The following SLC25A26 variants were observed in gnomAD, a reference collection of about 807,000 sequenced individuals.
SLC25A26 encodes the protein mitochondrial S-adenosylmethionine carrier protein.
Under a neutral mutation model 37.8 loss-of-function variants are expected in SLC25A26, and 36 were observed. That is an observed-to-expected ratio of 0.95 (90% CI 0.73 to 1.26). The LOEUF is 1.26. SLC25A26 is among the 50% of genes most tolerant of loss of function. The pLI, the probability that SLC25A26 is intolerant of heterozygous loss-of-function variation, is 0.00. For missense variants in SLC25A26, 390 were observed against 331.1 expected (o/e 1.18, Z -1.38); for synonymous variants, 129 against 122.5 (o/e 1.05, Z -0.35).
At chr3:66,275,872 G>T (rs1032519858) in intron 5 of SLC25A26, among the ~76,000 whole-genome samples, 2 of 152,106 alleles carry the variant, frequency 1.3e-5, no homozygotes, top group Admixed American at 1.3e-4. Context: ...TTCATTAGGT[G>T]TGTGCGAATT....
Position 66,142,477 on chromosome 3 carries a change from G to C in SLC25A26, c.-354+8493G>C, listed in dbSNP as rs1297717086. On this transcript the variant is annotated intron_variant, in intron 1 of 10. Coordinates refer to the SLC25A26 transcript ENST00000676754. ...TTTTTTTATCTTCTCCTGAAGTAGG[G>C]CATAAGGCCCTCATTCCAGAGATGG... Among the ~76,000 whole-genome samples the C allele has an allele frequency of 4.6e-5, 7 of 152,238 alleles. No individual in the cohort carries two copies. In the East Asian group the frequency reaches 1.4e-3, roughly 29 times the overall value.
At position 66,161,427 on chromosome 3, in the gene SLC25A26, A is replaced by T. The variant is rs555481795; in HGVS notation, c.-354+27443A>T. On this transcript the variant is annotated intron_variant, in intron 1 of 10. Transcript: ENST00000676754. Reference sequence around the variant, plus strand: ...AATCTTGACCCTGAGTCCCCTGGGAAATGTGATCCAGAAATGGTGAGCCAC... The same window carrying T: ...AATCTTGACCCTGAGTCCCCTGGGATATGTGATCCAGAAATGGTGAGCCAC... Among the ~76,000 whole-genome samples the T allele has an allele frequency of 2.1e-4, 32 of 152,326 alleles. No individual in the cohort carries two copies. In the South Asian group the frequency reaches 4.1e-3, roughly 20 times the overall value.
intron 1 of SLC25A26, among the ~76,000 whole-genome samples, chr3:66,223,647 T>C (rs919237785): frequency 6.6e-6 from 1 of 152,314 alleles, no homozygotes; most frequent in African/African-American, 2.4e-5. Context: ...GCCTAGATGA[T>C]TGCTGAAGTC....
intron 1 of SLC25A26, among the ~76,000 whole-genome samples, chr3:66,156,898 A>G (rs1182026273): frequency 6.6e-6 from 1 of 152,138 alleles, no homozygotes; most frequent in Non-Finnish European, 1.5e-5. Context: ...TTCCATGGAA[A>G]GGATGCAACT....
At chr3:66,327,610 A>G (rs2075869836) in intron 5 of SLC25A26, among the ~76,000 whole-genome samples, 1 of 151,604 alleles carries the variant, frequency 6.6e-6, no homozygotes, top group South Asian at 2.1e-4. Flanking sequence ...GAAAGGATTA[A>G]TCCAAAAAGG....
At chr3:66,367,680 A>C (rs1187913263) in intron 7 of SLC25A26, among the ~76,000 whole-genome samples, 1 of 125,628 alleles carries the variant, frequency 8.0e-6, no homozygotes, top group Non-Finnish European at 1.7e-5. Flanking sequence ...AGATAGATAG[A>C]TAGACAGACA....
chr3:66,294,278 T>C (rs1415761249), intron 5 of SLC25A26, among the ~76,000 whole-genome samples: 2 of 152,152 alleles, frequency 1.3e-5, no homozygotes, highest in Non-Finnish European at 2.9e-5. Flanking sequence ...TTTGTTCTTT[T>C]TGTGGCAGTT....
At chr3:66,322,914 TC>T (rs2107648775) in intron 5 of SLC25A26, among the ~76,000 whole-genome samples, 1 of 150,860 alleles carries the variant, frequency 6.6e-6, no homozygotes, top group African/African-American at 2.4e-5. Context: ...GGAGCAAATT[TC>T]CCCCAATCTG....
chr3:66,136,008 T>C (rs2069941277), intron 1 of SLC25A26, among the ~76,000 whole-genome samples: 1 of 152,238 alleles, frequency 6.6e-6, no homozygotes, highest in African/African-American at 2.4e-5. Context: ...GAAAAGTGTT[T>C]TACTATAGAT....
chr3:66,336,021 A>G (rs1559712652), intron 5 of SLC25A26, among the ~76,000 whole-genome samples: 2 of 152,156 alleles, frequency 1.3e-5, no homozygotes. Context: ...AATGTTTTTC[A>G]TGATTCTTTT....
At chr3:66,333,286 C>T (rs1464375142) in intron 5 of SLC25A26, among the ~76,000 whole-genome samples, 1 of 152,152 alleles carries the variant, frequency 6.6e-6, no homozygotes, top group African/African-American at 2.4e-5. Context: ...TACTGCTGTT[C>T]ATCTTATTAG....
intron 2 of SLC25A26, among the ~76,000 whole-genome samples, chr3:66,242,989 A>G (rs1250111994): frequency 1.3e-5 from 2 of 152,162 alleles, no homozygotes; most frequent in East Asian, 1.9e-4. Flanking sequence ...TAGGTGTTAT[A>G]TTTTCTGCAT....
intron 1 of SLC25A26, among the ~76,000 whole-genome samples, chr3:66,186,381 A>C (rs2070827972): frequency 1.3e-5 from 2 of 151,702 alleles, no homozygotes; most frequent in South Asian, 4.2e-4. Context: ...ATTGACCTTA[A>C]ATGAAATCTG....
At chr3:66,292,245 C>T (rs2074737973) in intron 5 of SLC25A26, among the ~76,000 whole-genome samples, 1 of 152,146 alleles carries the variant, frequency 6.6e-6, no homozygotes, top group Non-Finnish European at 1.5e-5. Flanking sequence ...GGTCTTCACT[C>T]TTTATCCAGT....
chr3:66,227,659 C>T (rs192508553), intron 1 of SLC25A26, among the ~76,000 whole-genome samples: 14 of 152,148 alleles, frequency 9.2e-5, no homozygotes, highest in East Asian at 5.8e-4. Flanking sequence ...AAGTGAGGAC[C>T]GCTTGTAGTT....
intron 1 of SLC25A26, among the ~76,000 whole-genome samples, chr3:66,226,702 AT>A (rs1420762946): frequency 1.3e-5 from 2 of 152,016 alleles, no homozygotes; most frequent in African/African-American, 4.8e-5. Flanking sequence ...GCCTCAAGCA[AT>A]CCTCCTGACT....
At chr3:66,187,189 T>G (rs2070845816) in intron 1 of SLC25A26, among the ~76,000 whole-genome samples, 1 of 151,706 alleles carries the variant, frequency 6.6e-6, no homozygotes, top group African/African-American at 2.4e-5. Context: ...ACCCTCACCA[T>G]GACACCATCC....
intron 6 of SLC25A26, among the ~76,000 whole-genome samples, chr3:66,351,900 C>CAA (rs1051281706): frequency 1.3e-5 from 2 of 152,120 alleles, no homozygotes; most frequent in African/African-American, 4.8e-5. Flanking sequence ...TCCCTCATTT[C>CAA]ACTCAGGCTT....
intron 6 of SLC25A26, among the ~76,000 whole-genome samples, chr3:66,352,131 C>A (rs1182288943): frequency 1.3e-5 from 2 of 152,228 alleles, no homozygotes; most frequent in African/African-American, 2.4e-5. Context: ...TACCTGTAGT[C>A]CCAACTATGT....
Sources: gnomAD v4.1 joint callset for allele counts (sites outside exome capture counted in the v4.1 genomes callset) on GRCh38, gnomAD v4.1.1 for gene constraint, MANE v1.5 for transcripts, NCBI Gene and HGNC (gene_info 2026-07-23, HGNC 2026-07-21) for gene names.